TSPAN9: variants seen among roughly 807,000 people sequenced by gnomAD.
TSPAN9 encodes the protein tetraspanin 9.
Under a neutral mutation model 31.0 loss-of-function variants are expected in TSPAN9, and 16 were observed. That is an observed-to-expected ratio of 0.52 (90% CI 0.35 to 0.78). The LOEUF (loss-of-function observed/expected upper bound fraction) is 0.78, where lower values mean the gene tolerates loss of function less well. Ranked by LOEUF, TSPAN9 falls within the 30% of genes least tolerant of loss-of-function variation. The probability of loss-of-function intolerance (pLI) is 0.01; values close to 1 mark genes in which losing one functional copy is unlikely to be tolerated. For synonymous variants in TSPAN9, 145 were observed against 121.6 expected (o/e 1.19, Z -1.27); for missense variants, 272 against 312.5 (o/e 0.87, Z 0.98).
At chr12:3,262,147 C>A (rs1158561478) in intron 3 of TSPAN9, among the ~76,000 whole-genome samples, 1 of 152,248 alleles carries the variant, frequency 6.6e-6, no homozygotes, top group Admixed American at 6.5e-5. Flanking sequence ...AAAGCCGCCA[C>A]GTGGATGGCA....
intron 3 of TSPAN9, among the ~76,000 whole-genome samples, chr12:3,241,243 G>C (rs1305194837): frequency 1.3e-5 from 2 of 152,236 alleles, no homozygotes; most frequent in Non-Finnish European, 2.9e-5. Flanking sequence ...TCCCACATTA[G>C]GGAGAATGGC....
intron 1 of TSPAN9, among the ~76,000 whole-genome samples, chr12:3,081,844 G>GTGTGTGTGTGTGTGTGTATA (rs57812985): frequency 3.9e-4 from 45 of 116,768 alleles, no homozygotes; most frequent in Non-Finnish European, 5.8e-4. Flanking sequence ...GTCTGTGTGT[G>GTGTGTGTGTGTGTGTGTATA]TATATATATG....
intron 2 of TSPAN9, among the ~76,000 whole-genome samples, chr12:3,109,581 TG>T (rs1327468477): frequency 6.6e-6 from 1 of 151,630 alleles, no homozygotes; most frequent in African/African-American, 2.4e-5. Context: ...GTGGATCACC[TG>T]AGGTCAGGAG....
chr12:3,283,319 C>T lies in TSPAN9; in HGVS notation c.*203C>T, dbSNP rs1417775604. Reference sequence around the variant, plus strand: ...GGAGGAGGCACACGGAGACCTGGGGCTCGGGGCCCCTGGATTCCTGCATCT... The same window carrying T: ...GGAGGAGGCACACGGAGACCTGGGGTTCGGGGCCCCTGGATTCCTGCATCT... On this transcript the variant is annotated 3_prime_UTR_variant, in exon 9 of 9. Coordinates refer to ENST00000011898, the MANE Select transcript of TSPAN9 (RefSeq NM_006675.5). 1 of 557,106 alleles carries T rather than the reference C, an allele frequency of 1.8e-6. No homozygotes were observed. The highest frequency in any genetic ancestry group is 3.5e-5 in the Admixed American group (1 of 28,670). The allele number at this position is 557,106 out of a possible 1,614,324, so 34.5% of individuals were successfully genotyped here.
At chr12:3,146,447 A>G (rs1183926193) in intron 2 of TSPAN9, among the ~76,000 whole-genome samples, 2 of 152,186 alleles carry the variant, frequency 1.3e-5, no homozygotes, top group East Asian at 3.9e-4. Flanking sequence ...CTCTCCTACC[A>G]GTATCTGTGG....
intron 3 of TSPAN9, among the ~76,000 whole-genome samples, chr12:3,260,971 G>T (rs1762786857): frequency 6.6e-6 from 1 of 152,212 alleles, no homozygotes; most frequent in South Asian, 2.1e-4. Flanking sequence ...TATCCCTTGG[G>T]TTGTAGGAGC....
chr12:3,169,085 A>C (rs918447239), intron 2 of TSPAN9, among the ~76,000 whole-genome samples: 2 of 152,148 alleles, frequency 1.3e-5, no homozygotes, highest in African/African-American at 4.8e-5. Context: ...AACTGGCTCC[A>C]TTTTCACCCG....
At chr12:3,098,049 C>CCAGAGTG (rs370995417) in intron 2 of TSPAN9, among the ~76,000 whole-genome samples, 3 of 151,754 alleles carry the variant, frequency 2.0e-5, no homozygotes, top group East Asian at 1.9e-4. Context: ...AGGACGTCGG[C>CCAGAGTG]CAGAGTGCAG....
In TSPAN9 at chr12:3,247,865, C is replaced by G. The variant is rs567716555; in HGVS notation, c.64-30556C>G. On this transcript the variant is annotated intron_variant, in intron 3 of 8. Transcript: ENST00000011898. ...ACTCACTATTGAGAGGAGGAGCTCC[C>G]CCACCATCCTGCAGAAATGCTGACC... is the stretch of plus-strand genomic sequence containing the variant. 3.9e-5 allele frequency among the ~76,000 whole-genome samples: 6 copies of G among 152,310 alleles called. No individual in the cohort carries two copies. In the South Asian group the frequency reaches 1.2e-3, roughly 32 times the overall value.
chr12:3,142,629 C>G (rs926863075), intron 2 of TSPAN9, among the ~76,000 whole-genome samples: 6 of 152,188 alleles, frequency 3.9e-5, no homozygotes, highest in African/African-American at 1.4e-4. Flanking sequence ...TCCCTCCCTG[C>G]TCGCCCCTGC....
chr12:3,223,689 G>A (rs1480552343), intron 3 of TSPAN9, among the ~76,000 whole-genome samples: 2 of 152,294 alleles, frequency 1.3e-5, no homozygotes, highest in East Asian at 1.9e-4. Flanking sequence ...AATGGGAAGG[G>A]GAACACTCCT....
At chr12:3,114,057 TCTC>T (rs1170516427) in intron 2 of TSPAN9, among the ~76,000 whole-genome samples, 3 of 152,132 alleles carry the variant, frequency 2.0e-5, no homozygotes, top group Non-Finnish European at 4.4e-5. Context: ...AATCATCCCT[TCTC>T]CTCTCCTGCA....
Position 3,109,342 on chromosome 12 carries a change from T to C in TSPAN9, c.-18+25623T>C, listed in dbSNP as rs543939478. On this transcript the variant is annotated intron_variant, in intron 2 of 8. Coordinates refer to ENST00000011898, the MANE Select transcript of TSPAN9 (RefSeq NM_006675.5). ...TGTGTGTGTGTTTGTGTGTGTATTT[T>C]CTGTCTTTCCTGTGAACATTTTCTT... 2.9e-3 allele frequency among the ~76,000 whole-genome samples: 422 copies of C among 145,320 alleles called. 1 individual carries two copies. Among genetic ancestry groups the C allele is most frequent in the Non-Finnish European group, 4.6e-3 (311 of 67,484 alleles).
chr12:3,130,198 C>G (rs546633423), intron 2 of TSPAN9, among the ~76,000 whole-genome samples: 30 of 152,372 alleles, frequency 2.0e-4, no homozygotes, highest in African/African-American at 6.7e-4. Flanking sequence ...TCCTCCTGCC[C>G]TCAGTGCCAG....
chr12:3,256,800 A>T (rs113560223), intron 3 of TSPAN9, among the ~76,000 whole-genome samples: 6,486 of 152,240 alleles, frequency 0.043, 480 homozygotes, highest in African/African-American at 0.15. Flanking sequence ...AAGAGGGTCC[A>T]TCCAAGCGTG....
rs1372559897 is a variant in TSPAN9 at position 3,175,910 on chromosome 12, C to T, written c.-17-25267C>T. Among the ~76,000 whole-genome samples, 30 of 152,184 alleles carry T rather than the reference C, an allele frequency of 2.0e-4. No individual in the cohort carries two copies. In the East Asian group the frequency reaches 5.8e-3, roughly 29 times the overall value. On this transcript the variant is annotated intron_variant, in intron 2 of 8. Coordinates refer to ENST00000011898, the MANE Select transcript of TSPAN9 (RefSeq NM_006675.5). ...GCATTGATTTCTGGGAATCGGCACA[C>T]TGCATATTAAACAGACCCACATTGG... is the stretch of plus-strand genomic sequence containing the variant.
intron 3 of TSPAN9, among the ~76,000 whole-genome samples, chr12:3,255,443 A>G (rs187147265): frequency 3.9e-5 from 6 of 152,302 alleles, no homozygotes; most frequent in Admixed American, 3.3e-4. Context: ...GCCGAGCCCA[A>G]CCCAGCTCTA....
Position 3,280,984 on chromosome 12 carries a change from C to A in TSPAN9, c.433-214C>A, listed in dbSNP as rs1262408981. Among the ~76,000 whole-genome samples the A allele has an allele frequency of 6.6e-6, 1 of 152,184 alleles. No individual in the cohort carries two copies. The highest frequency in any genetic ancestry group is 1.5e-5 in the Non-Finnish European group (1 of 68,026). On this transcript the variant is annotated intron_variant, in intron 6 of 8. Transcript: ENST00000011898. The surrounding 1 kb of genome is among the most constrained non-coding windows in gnomAD (Gnocchi z 4.5). ...AGGGGTGGGCTGCATTGCCCTCTCC[C>A]GCTCTGGTCTCCAGGAAGGAGTGCT...
chr12:3,203,890 T>G (rs1426504202), intron 3 of TSPAN9, among the ~76,000 whole-genome samples: 1 of 152,144 alleles, frequency 6.6e-6, no homozygotes, highest in African/African-American at 2.4e-5. Context: ...TCCACTCAAA[T>G]GAAGGCTTCC....
Sources: gnomAD v4.1 joint callset for allele counts (sites outside exome capture counted in the v4.1 genomes callset) on GRCh38, gnomAD v4.1.1 for gene constraint, Gnocchi (gnomAD v3.1) non-coding constraint, MANE v1.5 for transcripts, NCBI Gene and HGNC (gene_info 2026-07-23, HGNC 2026-07-21) for gene names.